The following AFG2A variants were observed in gnomAD, a reference collection of about 807,000 sequenced individuals.
The protein encoded by AFG2A is ATPase family gene 2 protein homolog A.
chr4:122,924,573 T>C, the AFG2A span, among the ~76,000 whole-genome samples: 1 of 152,364 alleles, frequency 6.6e-6, no homozygotes, highest in South Asian at 2.1e-4. Context: ...CTCGTCCTCT[T>C]CCCTTGACCA....
At chr4:122,994,398 G>A in the AFG2A span, among the ~76,000 whole-genome samples, 1 of 152,078 alleles carries the variant, frequency 6.6e-6, no homozygotes, top group Non-Finnish European at 1.5e-5. Flanking sequence ...TATTATCGTT[G>A]TGATAAGTTT....
the AFG2A span, among the ~76,000 whole-genome samples, chr4:123,261,274 T>C: frequency 1.3e-5 from 2 of 152,182 alleles, no homozygotes; most frequent in Non-Finnish European, 2.9e-5. Flanking sequence ...ATCTCTCTAT[T>C]CTTCCTTGTG....
chr4:122,944,453 C>T, the AFG2A span, among the ~76,000 whole-genome samples: 1 of 152,216 alleles, frequency 6.6e-6, no homozygotes, highest in Non-Finnish European at 1.5e-5. Context: ...TTGCATTCTT[C>T]ACGTAGTTCT....
the AFG2A span, among the ~76,000 whole-genome samples, chr4:123,123,809 G>A: frequency 1.1e-4 from 17 of 151,464 alleles, no homozygotes; most frequent in Admixed American, 6.6e-5. Flanking sequence ...AAAATTAGCC[G>A]GGCATGGTGG....
chr4:122,931,461 A>G, the AFG2A span, among the ~76,000 whole-genome samples: 152 of 152,274 alleles, frequency 1.0e-3, no homozygotes, highest in African/African-American at 3.2e-3. Context: ...GTGTGTGTAT[A>G]TACATACATG....
the AFG2A span, among the ~76,000 whole-genome samples, chr4:123,254,352 G>A: frequency 6.6e-6 from 1 of 152,090 alleles, no homozygotes; most frequent in South Asian, 2.1e-4. Flanking sequence ...AGTATTCACA[G>A]TACCATTTCT....
chr4:123,184,422 G>A, the AFG2A span, among the ~76,000 whole-genome samples: 3 of 151,444 alleles, frequency 2.0e-5, no homozygotes, highest in South Asian at 2.1e-4. Context: ...AGTGCTGTCC[G>A]ACTTAAGAAG....
At chr4:123,092,475 A>T in the AFG2A span, among the ~76,000 whole-genome samples, 1 of 152,250 alleles carries the variant, frequency 6.6e-6, no homozygotes, top group East Asian at 1.9e-4. Context: ...TAAGGCTTAC[A>T]GTAAACTTAA....
the AFG2A span, among the ~76,000 whole-genome samples, chr4:122,932,583 T>C: frequency 4.6e-5 from 7 of 152,126 alleles, no homozygotes; most frequent in Admixed American, 1.3e-4. Flanking sequence ...CCTCCTGATA[T>C]GGGCTGCTTA....
the AFG2A span, among the ~76,000 whole-genome samples, chr4:122,963,088 T>G: frequency 6.6e-6 from 1 of 152,192 alleles, no homozygotes; most frequent in Non-Finnish European, 1.5e-5. Flanking sequence ...GTAGAGTTCC[T>G]TCACTCATTG....
At chr4:123,179,067 C>T in the AFG2A span, among the ~76,000 whole-genome samples, 1 of 152,200 alleles carries the variant, frequency 6.6e-6, no homozygotes, top group Admixed American at 6.5e-5. Flanking sequence ...ACGTTTTCTA[C>T]ATCACCTACA....
chr4:123,195,797 A>C, the AFG2A span, among the ~76,000 whole-genome samples: 1 of 152,176 alleles, frequency 6.6e-6, no homozygotes, highest in South Asian at 2.1e-4. Flanking sequence ...GGTGACAGCC[A>C]GTCTGACCTG....
chr4:123,155,635 CTG>C, the AFG2A span, among the ~76,000 whole-genome samples: 18 of 121,446 alleles, frequency 1.5e-4, no homozygotes, highest in African/African-American at 5.4e-4. Flanking sequence ...AAATAACTAT[CTG>C]TAGCATTTAC....
chr4:123,176,368 A>G, the AFG2A span, among the ~76,000 whole-genome samples: 7 of 152,214 alleles, frequency 4.6e-5, no homozygotes, highest in Admixed American at 1.3e-4. Context: ...CCATGCTAGT[A>G]ATACAATACC....
At chr4:123,181,048 G>A in the AFG2A span, among the ~76,000 whole-genome samples, 956 of 147,278 alleles carry the variant, frequency 6.5e-3, 14 homozygotes, top group African/African-American at 0.022. Context: ...GCAGTGGCGC[G>A]ATCTCGGCTC....
chr4:123,066,209 G>A, the AFG2A span, among the ~76,000 whole-genome samples: 1 of 152,088 alleles, frequency 6.6e-6, no homozygotes, highest in Admixed American at 6.5e-5. Context: ...TAATAATCAG[G>A]AAATGAGGTA....
At chr4:123,001,413 T>A in the AFG2A span, among the ~76,000 whole-genome samples, 1 of 152,076 alleles carries the variant, frequency 6.6e-6, no homozygotes, top group African/African-American at 2.4e-5. Flanking sequence ...CAATTTTGGA[T>A]CTTTCCTGCT....
the AFG2A span, among the ~76,000 whole-genome samples, chr4:123,287,654 C>T: frequency 4.6e-5 from 7 of 151,792 alleles, no homozygotes; most frequent in Admixed American, 3.3e-4. Flanking sequence ...TACTATGTGC[C>T]AGATAAGGTT....
chr4:123,135,468 AT>A, the AFG2A span, among the ~76,000 whole-genome samples: 1,133 of 152,342 alleles, frequency 7.4e-3, 6 homozygotes, highest in Middle Eastern at 0.044. Context: ...ATGAAGTGAA[AT>A]TATCTTTGTT....
Sources: gnomAD v4.1 joint callset for allele counts (sites outside exome capture counted in the v4.1 genomes callset) on GRCh38, gnomAD v4.1.1 for gene constraint, MANE v1.5 for transcripts, NCBI Gene and HGNC (gene_info 2026-07-23, HGNC 2026-07-21) for gene names.